The following COL4A5 variants were observed in gnomAD, a reference collection of about 807,000 sequenced individuals.
COL4A5 encodes the protein collagen type IV alpha 5 chain, also known as collagen alpha-5(IV) chain.
A neutral mutation model predicts 130.2 loss-of-function variants in COL4A5; 26 were observed. The observed-to-expected ratio is 0.20, with a 90% CI of 0.15 to 0.28. The LOEUF is 0.28. COL4A5 is among the 10% of genes least tolerant of loss of function. COL4A5 has a pLI of 1.00. For missense variants in COL4A5, 1,131 were observed against 1,344.3 expected, an observed-to-expected ratio of 0.84 and a Z score of 2.48; for synonymous variants, 496 against 439.6, an observed-to-expected ratio of 1.13 and a Z score of -1.60.
chrX:108,645,896 C>T (rs1289501969), intron 36 of COL4A5, among the ~76,000 whole-genome samples: 1 of 110,746 alleles, frequency 9.0e-6, no homozygotes, highest in East Asian at 2.8e-4. Flanking sequence ...CATGTCCCTA[C>T]AAAGGACATG....
chrX:108,539,890 C>T, intron 2 of COL4A5, 85 bp downstream of exon 2: 1 of 735,614 alleles, frequency 1.4e-6, no homozygotes. Flanking sequence ...AACAGAGCTT[C>T]TATCTCAGTA....
At chrX:108,679,420 C>T (rs975240426) in intron 44 of COL4A5, among the ~76,000 whole-genome samples, 2 of 111,018 alleles carry the variant, frequency 1.8e-5, no homozygotes, top group Non-Finnish European at 3.8e-5. Context: ...CTATGCATTT[C>T]TTATCATTTT....
rs1331529511 is a variant in COL4A5, at chrX:108,621,823, A to T, written c.2698A>T (p.Met900Leu). 1 of 1,206,115 alleles carries T rather than the reference A, an allele frequency of 8.3e-7. No individual in the cohort carries two copies. Among genetic ancestry groups the T allele is most frequent in the Non-Finnish European group, 1.1e-6 (1 of 891,628 alleles). ...CAAAGGTACCAAAGGTGAAATGGGTATGATGGGACCTCCAGGCCCACCAGG... is the reference window on the plus strand; with the variant it reads ...CAAAGGTACCAAAGGTGAAATGGGTTTGATGGGACCTCCAGGCCCACCAGG... Reference protein sequence around the residue: ...GFPGTKGEMGMMGPPGPPGPL... With the variant: ...GFPGTKGEMGLMGPPGPPGPL... The change falls in exon 32 of 53, where the codon ATG becomes TTG. Residue 900 changes from methionine to leucine, a missense_variant. By Grantham distance (15) the Met-to-Leu change is conservative. Coordinates refer to ENST00000328300, the MANE Select transcript of COL4A5 (RefSeq NM_033380.3).
In COL4A5 at chrX:108,519,729, A is replaced by G. The variant is rs764589735; in HGVS notation, c.82-20017A>G. Among the ~76,000 whole-genome samples the G allele has an allele frequency of 5.4e-5, 6 of 110,543 alleles. No individual in the cohort carries two copies. The East Asian group carries it at 8.5e-4, about 16-fold the overall frequency. On this transcript the variant is annotated intron_variant, in intron 1 of 52. Coordinates refer to ENST00000328300, the MANE Select transcript of COL4A5 (RefSeq NM_033380.3). ...TACATTTCTTTTATTCCTGTAATAC[A>G]TTTCTTATACTATTTGGGTTTTTCT...
Position 108,611,996 on chromosome X carries a change from T to C in COL4A5, c.2396-2915T>C, listed in dbSNP as rs1311346683. ...CCTTAGAATACGGGCTGGTTTGACA[T>C]TTTAAAATCAATGTAATTTGCCATA... On this transcript the variant is annotated intron_variant, in intron 29 of 52. Transcript: ENST00000328300. Among the ~76,000 whole-genome samples, 3 of 111,555 alleles carry C rather than the reference T, an allele frequency of 2.7e-5. No individual in the cohort carries two copies. The Admixed American group carries it at 2.9e-4, about 11-fold the overall frequency.
At chrX:108,597,135 A>G in intron 23 of COL4A5, 67 bp downstream of exon 23, 2 of 927,126 alleles carry the variant, frequency 2.2e-6, no homozygotes, top group African/African-American at 3.9e-5. Context: ...TTGATTTTCA[A>G]TTATTCATAT....
intron 2 of COL4A5, among the ~76,000 whole-genome samples, chrX:108,541,905 AT>A (rs778276051): frequency 8.9e-6 from 1 of 111,926 alleles, no homozygotes; most frequent in South Asian, 3.8e-4. Context: ...TACCTACAAT[AT>A]CCAGTATGCA....
At chrX:108,557,640 AAC>A (rs60795449) in intron 2 of COL4A5, among the ~76,000 whole-genome samples, 11,238 of 109,133 alleles carry the variant, frequency 0.1, 1,284 homozygotes, top group African/African-American at 0.33. Context: ...GTACTTACAA[AAC>A]ACACACACAC....
chrX:108,550,137 G>GA (rs1345040182), intron 2 of COL4A5, among the ~76,000 whole-genome samples: 1 of 111,291 alleles, frequency 9.0e-6, no homozygotes, highest in African/African-American at 3.3e-5. Context: ...AATTTATTCA[G>GA]AAAATAGAGG....
Position 108,626,783 on chromosome X carries a change from GT to G in COL4A5, c.3246+438del, listed in dbSNP as rs998272958. 5.0e-5 allele frequency: 40 copies of G among 794,134 alleles called. No individual in the cohort carries two copies. In the Middle Eastern group the frequency reaches 2.0e-3, roughly 40 times the overall value. The allele number at this position is 794,134 out of a possible 1,213,427, so 65.4% of individuals were successfully genotyped here. A position where few individuals can be genotyped will look rare whatever the true frequency, so the allele number is the denominator to read the frequency against. The stretch of plus-strand genomic sequence containing the variant: ...TGTCTGAGATAGTCCTCTGAATACA[GT>G]TTTACAATTCCCTCTACTTCTCTCT... On this transcript the variant is annotated intron_variant, in intron 36 of 52. Coordinates refer to ENST00000328300, the MANE Select transcript of COL4A5 (RefSeq NM_033380.3).
At chrX:108,500,237 T>C (rs1178114275) in intron 1 of COL4A5, among the ~76,000 whole-genome samples, 2 of 112,309 alleles carry the variant, frequency 1.8e-5, no homozygotes, top group African/African-American at 6.5e-5. Context: ...TTCATGTTTG[T>C]GATCCCCAAC....
chrX:108,507,494 G>T (rs758119970), intron 1 of COL4A5, among the ~76,000 whole-genome samples: 1 of 111,810 alleles, frequency 8.9e-6, no homozygotes, highest in African/African-American at 3.2e-5. Flanking sequence ...AATAGATAAT[G>T]CAGAAAAGGC....
intron 29 of COL4A5, among the ~76,000 whole-genome samples, chrX:108,613,763 T>C (rs993823188): frequency 8.9e-6 from 1 of 111,781 alleles, no homozygotes; most frequent in Non-Finnish European, 1.9e-5. Flanking sequence ...GAATTGGCCT[T>C]TTTTCAAAAA....
intron 1 of COL4A5, among the ~76,000 whole-genome samples, chrX:108,490,559 A>G (rs2147545541): frequency 8.9e-6 from 1 of 112,140 alleles, no homozygotes; most frequent in African/African-American, 3.2e-5. Context: ...ACCTTTTATG[A>G]TTAGCCTTTT....
intron 24 of COL4A5, 39 bp downstream of exon 24, chrX:108,597,607 T>A: frequency 8.9e-7 from 1 of 1,124,549 alleles, no homozygotes; most frequent in Non-Finnish European, 1.2e-6. Flanking sequence ...TGATGTTAAA[T>A]TTTCACTTAG....
chrX:108,642,299 T>A (rs1182500037), intron 36 of COL4A5, among the ~76,000 whole-genome samples: 2 of 110,348 alleles, frequency 1.8e-5, no homozygotes, highest in Non-Finnish European at 3.8e-5. Flanking sequence ...GCCTTTCCTA[T>A]CCACCCTAGT....
intron 1 of COL4A5, among the ~76,000 whole-genome samples, chrX:108,458,270 A>G (rs2064603551): frequency 9.0e-6 from 1 of 111,351 alleles, no homozygotes; most frequent in African/African-American, 3.3e-5. Context: ...TTTTTATCCC[A>G]TGTGTTTAGT....
intron 1 of COL4A5, among the ~76,000 whole-genome samples, chrX:108,502,331 G>A (rs1288260803): frequency 9.0e-6 from 1 of 111,212 alleles, no homozygotes; most frequent in Non-Finnish European, 1.9e-5. Context: ...TGTTGCCCAG[G>A]CTGCAGTGCA....
At chrX:108,689,628 A>G in intron 49 of COL4A5, 2 of 754,234 alleles carry the variant, frequency 2.7e-6, no homozygotes. Context: ...CAAGGATCAC[A>G]TTGGAAGTAT....
Sources: gnomAD v4.1 joint callset for allele counts (sites outside exome capture counted in the v4.1 genomes callset) on GRCh38, gnomAD v4.1.1 for gene constraint, MANE v1.5 for transcripts, NCBI Gene and HGNC (gene_info 2026-07-23, HGNC 2026-07-21) for gene names.